The following ENPP6 variants were observed in gnomAD, a reference collection of about 807,000 sequenced individuals.
ENPP6 encodes the protein ectonucleotide pyrophosphatase/phosphodiesterase 6.
ENPP6 carries 32 observed loss-of-function variants against 42.0 expected under a neutral mutation model. That is an observed-to-expected ratio of 0.76 (90% confidence interval 0.58 to 1.02). ENPP6 has a LOEUF of 1.02. Among genes scored for constraint, ENPP6 ranks in the 50% least tolerant of loss-of-function variants. The pLI is 0.00. For missense variants in ENPP6, 552 were observed against 566.8 expected (o/e 0.97, Z 0.27); for synonymous variants, 213 against 216.0 (o/e 0.99, Z 0.12).
At chr4:184,170,762 G>A (rs1244362284) in intron 1 of ENPP6, among the ~76,000 whole-genome samples, 3 of 152,200 alleles carry the variant, frequency 2.0e-5, no homozygotes, top group Admixed American at 6.5e-5. Flanking sequence ...TTGCTCTCGC[G>A]TCACGCCATG....
At chr4:184,103,722 G>A (rs1434008082) in intron 6 of ENPP6, among the ~76,000 whole-genome samples, 1 of 152,246 alleles carries the variant, frequency 6.6e-6, no homozygotes, top group African/African-American at 2.4e-5. Flanking sequence ...ACTCTTTGGA[G>A]CCCGTGGGAG....
At chr4:184,210,883 C>G (rs1241600041) in intron 1 of ENPP6, among the ~76,000 whole-genome samples, 2 of 152,126 alleles carry the variant, frequency 1.3e-5, no homozygotes, top group Non-Finnish European at 2.9e-5. Context: ...TTATAATAAA[C>G]TATCTCTCAG....
chr4:184,156,576 T>C (rs1326260979), intron 1 of ENPP6, among the ~76,000 whole-genome samples: 1 of 152,212 alleles, frequency 6.6e-6, no homozygotes, highest in Non-Finnish European at 1.5e-5. Flanking sequence ...GTCTCTTTGC[T>C]CAAGGCTTGA....
Position 184,184,691 on chromosome 4 carries a change from A to G in ENPP6, c.242-30958T>C, listed in dbSNP as rs893136972. On this transcript the variant is annotated intron_variant, in intron 1 of 7. Transcript: ENST00000296741. This position sits in a 1 kb window ranked among gnomAD's most constrained non-coding sequence, Gnocchi z 4.7. ...AAGAGGTCTTATAAGGAAGGGAGAC[A>G]GTCACATGTCAATAGAGGCAGAGGT... Among the ~76,000 whole-genome samples the G allele has an allele frequency of 1.3e-5, 2 of 152,238 alleles. No homozygotes were observed. The highest frequency in any genetic ancestry group is 2.9e-5 in the Non-Finnish European group (2 of 68,044).
intron 6 of ENPP6, among the ~76,000 whole-genome samples, chr4:184,107,919 A>T (rs964270499): frequency 9.1e-5 from 8 of 88,052 alleles, no homozygotes; most frequent in East Asian, 7.6e-4. Flanking sequence ...AGTCTCAATA[A>T]AAAAAAAAAA....
At chr4:184,109,067 T>G (rs575203272) in intron 6 of ENPP6, among the ~76,000 whole-genome samples, 1 of 152,162 alleles carries the variant, frequency 6.6e-6, no homozygotes, top group Non-Finnish European at 1.5e-5. Flanking sequence ...AAAAATTAGC[T>G]GGGCAGGGTG....
At chr4:184,198,000 C>T (rs1004731448) in intron 1 of ENPP6, among the ~76,000 whole-genome samples, 120 of 152,144 alleles carry the variant, frequency 7.9e-4, no homozygotes, top group Non-Finnish European at 1.1e-3. Context: ...GCCTTAAGGG[C>T]GAGAGAGGCA....
chr4:184,179,719 G>A (rs28872257), intron 1 of ENPP6, among the ~76,000 whole-genome samples: 12 of 152,022 alleles, frequency 7.9e-5, no homozygotes, highest in African/African-American at 2.7e-4. Context: ...TAAGAAACTC[G>A]CTCAAAACCA....
At chr4:184,138,869 T>G (rs1736773043) in intron 2 of ENPP6, among the ~76,000 whole-genome samples, 1 of 152,202 alleles carries the variant, frequency 6.6e-6, no homozygotes, top group Admixed American at 6.5e-5. Context: ...ATCCCCCAAC[T>G]AAAGCTCTAT....
chr4:184,144,816 G>A (rs1736891012), intron 2 of ENPP6, among the ~76,000 whole-genome samples: 1 of 152,254 alleles, frequency 6.6e-6, no homozygotes, highest in South Asian at 2.1e-4. Context: ...TTGACCTTGA[G>A]AGCAACAAGG....
intron 1 of ENPP6, among the ~76,000 whole-genome samples, chr4:184,158,403 C>T (rs373329903): frequency 3.3e-5 from 5 of 150,770 alleles, no homozygotes; most frequent in South Asian, 2.1e-4. Flanking sequence ...TAATAATCAG[C>T]GGGGTGGGGT....
At chr4:184,164,474 G>A (rs978709453) in intron 1 of ENPP6, among the ~76,000 whole-genome samples, 4 of 152,152 alleles carry the variant, frequency 2.6e-5, no homozygotes, top group Non-Finnish European at 5.9e-5. Context: ...TTATAAAAAC[G>A]GGAAATGTGG....
At chr4:184,185,362 CG>C (rs397880773) in intron 1 of ENPP6, among the ~76,000 whole-genome samples, 2 of 152,194 alleles carry the variant, frequency 1.3e-5, no homozygotes, top group South Asian at 4.1e-4. Flanking sequence ...CAACATCCCA[CG>C]GGCAACATCT....
Position 184,127,939 on chromosome 4 carries a change from TC to T in ENPP6, c.422-3668del, listed in dbSNP as rs537300287. On this transcript the variant is annotated intron_variant, in intron 2 of 7. Transcript: ENST00000296741. ...GCCAGGGAAGGAAGAGAAAGCATTT[TC>T]ATTGTTGATGAAGGGAAGGGATAGT... Among the ~76,000 whole-genome samples the T allele has an allele frequency of 4.0e-3, 613 of 152,256 alleles. 8 individuals carry two copies. The highest frequency in any genetic ancestry group is 0.013 in the African/African-American group (553 of 41,530).
rs544463131 is a variant in ENPP6 at position 184,181,206 on chromosome 4, T to C, written c.242-27473A>G. ...TGTGGAAAAATCACAAGCATTCTTA[T>C]ACATCAACAATAGACCAGCAGAGAG... On this transcript the variant is annotated intron_variant, in intron 1 of 7. Transcript: ENST00000296741. Among the ~76,000 whole-genome samples the C allele has an allele frequency of 1.6e-4, 24 of 152,278 alleles. No homozygotes were observed. The South Asian group carries it at 4.8e-3, about 30-fold the overall frequency.
intron 5 of ENPP6, among the ~76,000 whole-genome samples, chr4:184,113,915 CTT>C (rs1242906206): frequency 3.1e-5 from 4 of 127,338 alleles, no homozygotes; most frequent in African/African-American, 9.1e-5. Context: ...TTCTTTCTTT[CTT>C]TCTTTCTTTC....
intron 1 of ENPP6, among the ~76,000 whole-genome samples, chr4:184,208,859 G>C (rs181567397): frequency 0.023 from 3,231 of 141,382 alleles, 328 homozygotes; most frequent in Middle Eastern, 0.039. Context: ...GAAGAGAGCA[G>C]TGGTTCTCCC....
chr4:184,137,295 C>T (rs925718413), intron 2 of ENPP6, among the ~76,000 whole-genome samples: 2 of 152,130 alleles, frequency 1.3e-5, no homozygotes, highest in Non-Finnish European at 2.9e-5. Context: ...TGGAGTTTCA[C>T]CATGTTGGCC....
intron 2 of ENPP6, among the ~76,000 whole-genome samples, chr4:184,144,404 C>T (rs1230297527): frequency 6.6e-6 from 1 of 152,136 alleles, no homozygotes; most frequent in East Asian, 1.9e-4. Flanking sequence ...GCAGGGACCT[C>T]GCAGGCGGGA....
Sources: allele counts gnomAD v4.1 joint callset (sites outside exome capture counted in the v4.1 genomes callset), GRCh38; gene constraint gnomAD v4.1.1; non-coding constraint Gnocchi (gnomAD v3.1); transcripts MANE v1.5; gene names NCBI Gene and HGNC (gene_info 2026-07-23, HGNC 2026-07-21).